Variants in MECOM observed in about 807,000 individuals in gnomAD.
MECOM encodes the protein MDS1 and EVI1 complex locus.
Under a neutral mutation model 116.3 loss-of-function variants are expected in MECOM, and 13 were observed. The observed-to-expected ratio is 0.11, with a 90% CI of 0.07 to 0.18. The LOEUF (loss-of-function observed/expected upper bound fraction) is 0.18. Among genes scored for constraint, MECOM ranks in the 10% least tolerant of loss-of-function variants. The pLI is 1.00. For synonymous variants in MECOM, 528 were observed against 535.2 expected (o/e 0.99, Z 0.19); for missense variants, 1,299 against 1,509.0 (o/e 0.86, Z 2.31).
At chr3:169,439,972 T>C (rs1441470348) in intron 1 of MECOM, among the ~76,000 whole-genome samples, 1 of 152,030 alleles carries the variant, frequency 6.6e-6, no homozygotes, top group Admixed American at 6.6e-5. Flanking sequence ...AAACAATATA[T>C]TGTTTGGTAA....
intron 8 of MECOM, among the ~76,000 whole-genome samples, chr3:169,114,725 C>T (rs933101357): frequency 1.3e-5 from 2 of 152,098 alleles, no homozygotes; most frequent in Non-Finnish European, 2.9e-5. Context: ...GTGAATATTA[C>T]TGAATATTGC....
At chr3:169,109,516 G>C (rs988440039) in intron 9 of MECOM, among the ~76,000 whole-genome samples, 4 of 151,584 alleles carry the variant, frequency 2.6e-5, no homozygotes, top group African/African-American at 9.7e-5. Flanking sequence ...CTGGGTTCAA[G>C]TGATTCTCCT....
At chr3:169,326,378 A>G (rs1327078780) in intron 2 of MECOM, among the ~76,000 whole-genome samples, 1 of 152,264 alleles carries the variant, frequency 6.6e-6, no homozygotes, top group Admixed American at 6.5e-5. Context: ...CTTGTGTACA[A>G]GTAAATACTG....
intron 2 of MECOM, among the ~76,000 whole-genome samples, chr3:169,374,877 G>GT (rs1015346496): frequency 1.8e-4 from 28 of 151,680 alleles, no homozygotes; most frequent in African/African-American, 6.0e-4. Flanking sequence ...TACAAAAGAT[G>GT]TTTTTTTTAA....
intron 2 of MECOM, among the ~76,000 whole-genome samples, chr3:169,365,378 C>A (rs928491227): frequency 6.6e-6 from 1 of 151,906 alleles, no homozygotes; most frequent in South Asian, 2.1e-4. Context: ...GACTCTATAT[C>A]GAGTGCATGT....
At chr3:169,464,399 A>G (rs12632583) in intron 1 of MECOM, among the ~76,000 whole-genome samples, 6,647 of 152,250 alleles carry the variant, frequency 0.044, 466 homozygotes, top group Admixed American at 0.19. Context: ...AACAAAAGAA[A>G]ATCTCAAAAC....
intron 1 of MECOM, among the ~76,000 whole-genome samples, chr3:169,640,747 G>A (rs142711093): frequency 2.0e-5 from 3 of 152,316 alleles, no homozygotes; most frequent in South Asian, 2.1e-4. Flanking sequence ...TCAGAGCTAC[G>A]AAGTAGTAGA....
intron 1 of MECOM, among the ~76,000 whole-genome samples, chr3:169,507,280 A>G (rs1005083383): frequency 6.6e-5 from 10 of 152,218 alleles, no homozygotes; most frequent in Admixed American, 4.6e-4. Context: ...CTATAAACGC[A>G]TGTAGGTAAA....
chr3:169,411,501 T>G (rs1055947233), intron 1 of MECOM, among the ~76,000 whole-genome samples: 14 of 152,184 alleles, frequency 9.2e-5, no homozygotes, highest in African/African-American at 3.4e-4. Flanking sequence ...CCCTCCTGAC[T>G]GTATGAAGAA....
intron 1 of MECOM, among the ~76,000 whole-genome samples, chr3:169,411,377 C>T (rs185486818): frequency 5.3e-5 from 8 of 152,306 alleles, no homozygotes; most frequent in South Asian, 4.1e-4. Context: ...TTTCTTGAAA[C>T]TCTCTCTGTT....
intron 2 of MECOM, among the ~76,000 whole-genome samples, chr3:169,314,404 C>T (rs1029710801): frequency 1.3e-5 from 2 of 152,194 alleles, no homozygotes; most frequent in African/African-American, 2.4e-5. Flanking sequence ...ATTTATAGCA[C>T]GTGCATAGTT....
intron 2 of MECOM, among the ~76,000 whole-genome samples, chr3:169,317,141 C>T (rs746509172): frequency 6.6e-6 from 1 of 152,122 alleles, no homozygotes; most frequent in African/African-American, 2.4e-5. Context: ...GTGGTATCAG[C>T]AATATTACTG....
chr3:169,461,495 A>G (rs1323803746), intron 1 of MECOM, among the ~76,000 whole-genome samples: 1 of 152,128 alleles, frequency 6.6e-6, no homozygotes. Flanking sequence ...AAATATGAAA[A>G]ATTTAAGTTT....
At chr3:169,530,354 T>G (rs1758466539) in intron 1 of MECOM, among the ~76,000 whole-genome samples, 1 of 151,802 alleles carries the variant, frequency 6.6e-6, no homozygotes, top group African/African-American at 2.4e-5. Flanking sequence ...AGGTTACACT[T>G]TAAAAAGCAA....
intron 2 of MECOM, among the ~76,000 whole-genome samples, chr3:169,203,255 C>T (rs186078715): frequency 1.5e-4 from 23 of 152,224 alleles, no homozygotes; most frequent in Admixed American, 6.5e-5. Context: ...TTGATCAACA[C>T]ACATCTCCTG....
intron 10 of MECOM, among the ~76,000 whole-genome samples, chr3:169,102,556 A>G (rs901858588): frequency 5.3e-5 from 8 of 152,206 alleles, no homozygotes; most frequent in African/African-American, 1.9e-4. Flanking sequence ...ATTAAATGAC[A>G]GCATTAGTAT....
intron 2 of MECOM, among the ~76,000 whole-genome samples, chr3:169,283,628 C>A (rs1427254755): frequency 6.6e-6 from 1 of 152,050 alleles, no homozygotes; most frequent in Non-Finnish European, 1.5e-5. Flanking sequence ...TTACTGGCAT[C>A]TCTCTCATAT....
intron 2 of MECOM, among the ~76,000 whole-genome samples, chr3:169,255,271 A>T (rs1756730755): frequency 6.6e-6 from 1 of 152,166 alleles, no homozygotes; most frequent in South Asian, 2.1e-4. Flanking sequence ...TGAGCTGAGT[A>T]GTATCCATTT....
At chr3:169,654,584 CT>C (rs1016337616) in intron 1 of MECOM, among the ~76,000 whole-genome samples, 5 of 152,154 alleles carry the variant, frequency 3.3e-5, no homozygotes, top group African/African-American at 1.2e-4. Flanking sequence ...TAATGATTTA[CT>C]GCCCAACCCC....
Sources: allele counts gnomAD v4.1 joint callset (sites outside exome capture counted in the v4.1 genomes callset), GRCh38; gene constraint gnomAD v4.1.1; transcripts MANE v1.5; gene names NCBI Gene and HGNC (gene_info 2026-07-23, HGNC 2026-07-21).